Variants in NRXN3 observed in about 807,000 individuals in gnomAD.
NRXN3 encodes the protein neurexin III.
A neutral mutation model predicts 137.6 loss-of-function variants in NRXN3; 32 were observed. The ratio of observed to expected loss-of-function variants is 0.23; its 90% confidence interval spans 0.18 to 0.31. The LOEUF is 0.31. Ranked by LOEUF, NRXN3 falls within the 10% of genes least tolerant of loss-of-function variation. NRXN3 has a pLI of 1.00. For synonymous variants in NRXN3, 798 were observed against 784.5 expected (o/e 1.02, Z -0.29); for missense variants, 1,574 against 2,062.5 (o/e 0.76, Z 4.59).
intron 16 of NRXN3, among the ~76,000 whole-genome samples, chr14:79,650,249 A>C (rs1032979718): frequency 6.6e-6 from 1 of 152,096 alleles, no homozygotes; most frequent in East Asian, 1.9e-4. Flanking sequence ...CCAGGTAATG[A>C]ATCCTCTTTC....
chr14:78,711,674 C>T (rs2098409523), intron 7 of NRXN3, among the ~76,000 whole-genome samples: 1 of 152,036 alleles, frequency 6.6e-6, no homozygotes, highest in Non-Finnish European at 1.5e-5. Context: ...CTCCTGACCT[C>T]AGATGATCAA....
rs118001902 is a variant in NRXN3, at chr14:78,244,562, G to C, written c.709+760G>C. 5.3e-3 allele frequency among the ~76,000 whole-genome samples: 799 copies of C among 152,180 alleles called. 7 individuals are homozygous for C. The highest frequency in any genetic ancestry group is 7.3e-3 in the Non-Finnish European group (494 of 68,008). ...TCCTCTTAATCATCCCTCACATAAA[G>C]AATGCCTGTGCAAAGAAAAATGAAC... On this transcript the variant is annotated intron_variant, in intron 2 of 20. Transcript: ENST00000335750.
intron 10 of NRXN3, among the ~76,000 whole-genome samples, chr14:78,818,684 C>T (rs1292588819): frequency 6.6e-6 from 1 of 152,116 alleles, no homozygotes; most frequent in Non-Finnish European, 1.5e-5. Flanking sequence ...CCTTGTTCTT[C>T]CTCATTCACT....
chr14:78,611,436 T>C (rs1402584643), intron 4 of NRXN3, among the ~76,000 whole-genome samples: 4 of 152,062 alleles, frequency 2.6e-5, no homozygotes, highest in Non-Finnish European at 2.9e-5. Context: ...TTTTTTTTTT[T>C]TCCTTCTCTC....
At chr14:79,694,573 C>T (rs1483034913) in intron 18 of NRXN3, among the ~76,000 whole-genome samples, 1 of 151,806 alleles carries the variant, frequency 6.6e-6, no homozygotes, top group Non-Finnish European at 1.5e-5. Context: ...TTATAAAAAT[C>T]TGATCATAAG....
intron 19 of NRXN3, among the ~76,000 whole-genome samples, chr14:79,771,063 A>T (rs1490675478): frequency 1.3e-5 from 2 of 152,230 alleles, no homozygotes; most frequent in Non-Finnish European, 2.9e-5. Flanking sequence ...CACTCTCCCA[A>T]GACTAAACCA....
At chr14:78,641,924 A>AT (rs1368183768) in intron 4 of NRXN3, among the ~76,000 whole-genome samples, 4 of 152,070 alleles carry the variant, frequency 2.6e-5, no homozygotes, top group African/African-American at 7.2e-5. Flanking sequence ...CACTGATGCC[A>AT]TTTTTTCCCC....
Position 78,237,746 on chromosome 14 carries a change from C to T in NRXN3, c.-703-4645C>T, listed in dbSNP as rs553479415. 2.6e-5 allele frequency among the ~76,000 whole-genome samples: 4 copies of T among 152,262 alleles called. No individual in the cohort carries two copies. The South Asian group carries it at 6.2e-4, about 24-fold the overall frequency. On this transcript the variant is annotated intron_variant, in intron 1 of 20. Transcript: ENST00000335750. ...GAACCTCACCTTGAATGACACAGAA[C>T]GAGATTGGTGGTGAAAATCATTTAC...
At chr14:79,463,061 G>A (rs1261511051) in intron 15 of NRXN3, among the ~76,000 whole-genome samples, 2 of 152,060 alleles carry the variant, frequency 1.3e-5, no homozygotes, top group African/African-American at 4.8e-5. Context: ...GGGCCAGGGG[G>A]TTTCTAAGTC....
intron 15 of NRXN3, among the ~76,000 whole-genome samples, chr14:79,116,793 T>A (rs1004914344): frequency 5.9e-5 from 9 of 152,332 alleles, no homozygotes; most frequent in African/African-American, 9.6e-5. Flanking sequence ...GTTGTCTTGA[T>A]AATATTTTAT....
intron 10 of NRXN3, among the ~76,000 whole-genome samples, chr14:78,892,465 T>C (rs1436520784): frequency 6.6e-6 from 1 of 151,808 alleles, no homozygotes; most frequent in Non-Finnish European, 1.5e-5. Flanking sequence ...AGCAACACGC[T>C]TGTGAGTTTA....
At chr14:79,303,988 C>G (rs1424462049) in intron 15 of NRXN3, among the ~76,000 whole-genome samples, 2 of 152,056 alleles carry the variant, frequency 1.3e-5, no homozygotes, top group African/African-American at 4.8e-5. Flanking sequence ...TTAACATTTG[C>G]TTAATACGTT....
intron 15 of NRXN3, among the ~76,000 whole-genome samples, chr14:79,096,781 G>A (rs1184015423): frequency 6.6e-6 from 1 of 151,958 alleles, no homozygotes; most frequent in South Asian, 2.1e-4. Context: ...CTTCTTGCTT[G>A]AGCCTATTGC....
intron 15 of NRXN3, among the ~76,000 whole-genome samples, chr14:79,188,531 T>C (rs1484836071): frequency 6.6e-6 from 1 of 152,172 alleles, no homozygotes; most frequent in Non-Finnish European, 1.5e-5. Flanking sequence ...ACAAAGGCCA[T>C]TTCTTCCCTA....
intron 16 of NRXN3, among the ~76,000 whole-genome samples, chr14:79,510,507 T>C (rs746917549): frequency 1.4e-4 from 21 of 152,182 alleles, no homozygotes; most frequent in Non-Finnish European, 2.6e-4. Flanking sequence ...TGACAGGACA[T>C]GTGTGTTCTT....
chr14:78,609,840 G>A (rs923081037), intron 4 of NRXN3, among the ~76,000 whole-genome samples: 1 of 152,132 alleles, frequency 6.6e-6, no homozygotes, highest in African/African-American at 2.4e-5. Flanking sequence ...GGGCTGCCAG[G>A]AAAATACCCT....
chr14:79,238,367 C>T (rs1373168822), intron 15 of NRXN3, among the ~76,000 whole-genome samples: 2 of 152,070 alleles, frequency 1.3e-5, no homozygotes, highest in Non-Finnish European at 1.5e-5. Flanking sequence ...ATCTATTTAT[C>T]TATCCCTATA....
intron 8 of NRXN3, among the ~76,000 whole-genome samples, chr14:78,733,176 C>G (rs1282167790): frequency 6.6e-6 from 1 of 152,208 alleles, no homozygotes; most frequent in South Asian, 2.1e-4. Context: ...GAATTAGACA[C>G]CAAGCTCATG....
chr14:79,315,059 G>A (rs1050277998), intron 15 of NRXN3, among the ~76,000 whole-genome samples: 11 of 152,160 alleles, frequency 7.2e-5, no homozygotes, highest in East Asian at 1.9e-4. Flanking sequence ...TTGGCAGCCC[G>A]TGAGTTACGA....
Sources: gnomAD v4.1 joint callset for allele counts (sites outside exome capture counted in the v4.1 genomes callset) on GRCh38, gnomAD v4.1.1 for gene constraint, MANE v1.5 for transcripts, NCBI Gene and HGNC (gene_info 2026-07-23, HGNC 2026-07-21) for gene names.